Variants in XKR4 observed in about 807,000 individuals in gnomAD.
The protein encoded by XKR4 is XK related 4.
XKR4 carries 12 observed loss-of-function variants against 53.9 expected under a neutral mutation model. That is an observed-to-expected ratio of 0.22 (90% confidence interval 0.14 to 0.36). The LOEUF (loss-of-function observed/expected upper bound fraction) is 0.36. Among genes scored for constraint, XKR4 ranks in the 10% least tolerant of loss-of-function variants. XKR4 has a pLI of 1.00. For synonymous variants in XKR4, 354 were observed against 362.4 expected, an observed-to-expected ratio of 0.98 and a Z score of 0.26; for missense variants, 799 against 859.5, an observed-to-expected ratio of 0.93 and a Z score of 0.88.
At chr8:55,236,396 A>G (rs979352375) in intron 1 of XKR4, among the ~76,000 whole-genome samples, 2 of 152,164 alleles carry the variant, frequency 1.3e-5, no homozygotes, top group East Asian at 3.9e-4. Context: ...CCTCAGAGAT[A>G]ATCGATTCAA....
chr8:55,339,483 C>G (rs1375261159), intron 1 of XKR4, among the ~76,000 whole-genome samples: 1 of 152,212 alleles, frequency 6.6e-6, no homozygotes, highest in African/African-American at 2.4e-5. Context: ...CTGGCAGAAG[C>G]AAACCTTACA....
At chr8:55,394,049 A>G (rs956225592) in intron 2 of XKR4, among the ~76,000 whole-genome samples, 4 of 152,232 alleles carry the variant, frequency 2.6e-5, no homozygotes, top group African/African-American at 7.2e-5. Flanking sequence ...CAAATGCAAT[A>G]AATCGATGTA....
intron 1 of XKR4, among the ~76,000 whole-genome samples, chr8:55,324,308 C>G (rs532298862): frequency 2.6e-5 from 4 of 152,282 alleles, no homozygotes; most frequent in Admixed American, 6.5e-5. Context: ...ATTGTCCAGA[C>G]TGGTCTCAAA....
chr8:55,300,745 G>A (rs1170954188), intron 1 of XKR4, among the ~76,000 whole-genome samples: 4 of 152,132 alleles, frequency 2.6e-5, no homozygotes, highest in Non-Finnish European at 5.9e-5. Flanking sequence ...TTCCATCGTG[G>A]GGATGCAAGA....
In XKR4 at chr8:55,435,620, A is replaced by G. The variant is rs964203902; in HGVS notation, c.1006+77743A>G. 3.3e-5 allele frequency among the ~76,000 whole-genome samples: 5 copies of G among 150,214 alleles called. No individual in the cohort carries two copies. The Admixed American group carries it at 3.3e-4, about 10-fold the overall frequency. On this transcript the variant is annotated intron_variant, in intron 2 of 2. Coordinates refer to ENST00000327381, the MANE Select transcript of XKR4 (RefSeq NM_052898.2). ...GGTCTTGCTCTTTCTCTCAAGAAAG[A>G]GTGCAGTGGCATGAACACAGCTAAC... is the stretch of plus-strand genomic sequence containing the variant.
chr8:55,454,668 G>A (rs560323334), intron 2 of XKR4: 1 of 968,522 alleles, frequency 1.0e-6, no homozygotes, highest in Non-Finnish European at 1.7e-6. Context: ...TCCCAATTAC[G>A]TTCCCTGGGA....
Position 55,526,777 on chromosome 8 carries a change from G to A in XKR4, c.*2550G>A, listed in dbSNP as rs1806887692. On this transcript the variant is annotated 3_prime_UTR_variant, in exon 3 of 3. Coordinates refer to ENST00000327381, the MANE Select transcript of XKR4 (RefSeq NM_052898.2). Reference sequence around the variant, plus strand: ...TAAGTTCTAAGTTATTTCTCAACTTGATCCCTCATTCAACATGTTAAGAGT... The same window carrying A: ...TAAGTTCTAAGTTATTTCTCAACTTAATCCCTCATTCAACATGTTAAGAGT... 1 of 152,176 alleles carries A rather than the reference G, an allele frequency of 6.6e-6. No individual in the cohort carries two copies. The highest frequency in any genetic ancestry group is 1.5e-5 in the Non-Finnish European group (1 of 68,038). The allele number at this position is 152,176 out of a possible 1,614,324, so 9.4% of individuals were successfully genotyped here. A position where few individuals can be genotyped will look rare whatever the true frequency, so the allele number is the denominator to read the frequency against.
intron 2 of XKR4, among the ~76,000 whole-genome samples, chr8:55,457,131 A>AT (rs1279891086): frequency 7.9e-6 from 1 of 126,348 alleles, no homozygotes; most frequent in Admixed American, 8.4e-5. Flanking sequence ...CAAGTGCTGA[A>AT]TTTTTTTTCC....
At chr8:55,389,155 G>C (rs573318198) in intron 2 of XKR4, among the ~76,000 whole-genome samples, 6 of 152,308 alleles carry the variant, frequency 3.9e-5, no homozygotes, top group African/African-American at 1.4e-4. Flanking sequence ...CTGGGAAGGA[G>C]GCCTGAAACA....
rs565541305 is a variant in XKR4, at chr8:55,510,493, G to C, written c.1007-12788G>C. Among the ~76,000 whole-genome samples the C allele has an allele frequency of 1.7e-3, 266 of 152,192 alleles. 1 individual carries two copies. Among genetic ancestry groups the C allele is most frequent in the Middle Eastern group, 3.4e-3 (1 of 294 alleles). ...TAAAAACCCCACGGGAGGGAGAGGG[G>C]TTACCAGGAGGACAGATAGGAGGCT... On this transcript the variant is annotated intron_variant, in intron 2 of 2. Coordinates refer to ENST00000327381, the MANE Select transcript of XKR4 (RefSeq NM_052898.2).
intron 2 of XKR4, among the ~76,000 whole-genome samples, chr8:55,481,130 A>G (rs1272734830): frequency 6.6e-6 from 1 of 152,160 alleles, no homozygotes; most frequent in African/African-American, 2.4e-5. Flanking sequence ...GAGGCATCAC[A>G]CTACCTGACT....
At chr8:55,155,063 C>T (rs1816886152) in intron 1 of XKR4, among the ~76,000 whole-genome samples, 1 of 152,176 alleles carries the variant, frequency 6.6e-6, no homozygotes, top group African/African-American at 2.4e-5. Flanking sequence ...TCTTCTTCAC[C>T]CTTTCTGCAG....
At chr8:55,430,319 A>T (rs1410166161) in intron 2 of XKR4, among the ~76,000 whole-genome samples, 1 of 152,226 alleles carries the variant, frequency 6.6e-6, no homozygotes, top group African/African-American at 2.4e-5. Flanking sequence ...TAGAGAAATT[A>T]AAAATATGTC....
At chr8:55,271,035 C>T (rs970251244) in intron 1 of XKR4, among the ~76,000 whole-genome samples, 6 of 152,132 alleles carry the variant, frequency 3.9e-5, no homozygotes, top group African/African-American at 4.8e-5. Context: ...TCAAGAAGAA[C>T]GAAGAACATG....
chr8:55,355,709 G>A (rs1452485427), intron 1 of XKR4, among the ~76,000 whole-genome samples: 4 of 152,176 alleles, frequency 2.6e-5, no homozygotes, highest in African/African-American at 7.2e-5. Context: ...ACAACGAAAT[G>A]ACAGATTTAA....
intron 1 of XKR4, among the ~76,000 whole-genome samples, chr8:55,264,845 A>T (rs1445794672): frequency 6.6e-6 from 1 of 152,206 alleles, no homozygotes; most frequent in Non-Finnish European, 1.5e-5. Context: ...TATATATAAC[A>T]CACATGCTTT....
intron 2 of XKR4, among the ~76,000 whole-genome samples, chr8:55,415,182 C>A (rs748286953): frequency 2.2e-4 from 34 of 152,274 alleles, no homozygotes; most frequent in Non-Finnish European, 4.1e-4. Flanking sequence ...TAGGTACTGC[C>A]TTTTCAAAGT....
chr8:55,486,055 TCA>T (rs769553736), intron 2 of XKR4, among the ~76,000 whole-genome samples: 10 of 152,204 alleles, frequency 6.6e-5, no homozygotes, highest in Non-Finnish European at 1.2e-4. Context: ...ATATAAATAA[TCA>T]CATATAAATT....
chr8:55,438,622 T>C (rs1377255188), intron 2 of XKR4, among the ~76,000 whole-genome samples: 1 of 148,340 alleles, frequency 6.7e-6, no homozygotes, highest in Admixed American at 6.7e-5. Flanking sequence ...GAGAGACTTA[T>C]AAAAGAAGAT....
Sources: gnomAD v4.1 joint callset for allele counts (sites outside exome capture counted in the v4.1 genomes callset) on GRCh38, gnomAD v4.1.1 for gene constraint, MANE v1.5 for transcripts, NCBI Gene and HGNC (gene_info 2026-07-23, HGNC 2026-07-21) for gene names.